Variants in RANBP2 observed in about 807,000 individuals in gnomAD.
RANBP2 encodes E3 SUMO-protein ligase RanBP2.
In RANBP2, 57 loss-of-function variants were observed where a neutral mutation model predicts 303.6. That is an observed-to-expected ratio of 0.19 (90% CI 0.15 to 0.23). The LOEUF is 0.23. RANBP2 is among the 10% of genes least tolerant of loss of function. The pLI is 1.00. For missense variants in RANBP2, 3,138 were observed against 3,780.8 expected (o/e 0.83, Z 4.46); for synonymous variants, 1,167 against 1,301.5 (o/e 0.90, Z 2.23).
At chr2:108,954,393 A>G in the RANBP2 span, among the ~76,000 whole-genome samples, 3 of 152,222 alleles carry the variant, frequency 2.0e-5, no homozygotes, top group African/African-American at 7.2e-5. Flanking sequence ...GACATTCTGC[A>G]GCCTACCTGC....
the RANBP2 span, among the ~76,000 whole-genome samples, chr2:109,395,094 A>G: frequency 6.6e-6 from 1 of 152,336 alleles, no homozygotes. Context: ...ACTTCCCCAG[A>G]TGGAGAGTTT....
At chr2:108,925,839 C>A in the RANBP2 span, among the ~76,000 whole-genome samples, 4 of 152,156 alleles carry the variant, frequency 2.6e-5, no homozygotes, top group African/African-American at 9.7e-5. Flanking sequence ...TGGTCTCAAA[C>A]TTCTGACCTC....
the RANBP2 span, among the ~76,000 whole-genome samples, chr2:108,942,873 T>TA: frequency 2.6e-5 from 4 of 152,132 alleles, no homozygotes; most frequent in Non-Finnish European, 5.9e-5. Flanking sequence ...GCGGGTAGGA[T>TA]TTTTGTTTGT....
chr2:109,115,896 G>C, the RANBP2 span, among the ~76,000 whole-genome samples: 14 of 152,162 alleles, frequency 9.2e-5, no homozygotes, highest in African/African-American at 3.4e-4. Flanking sequence ...ATGAAGCTTA[G>C]TTTGGCTGGA....
the RANBP2 span, among the ~76,000 whole-genome samples, chr2:109,675,688 A>G: frequency 6.6e-6 from 1 of 152,038 alleles, no homozygotes; most frequent in Non-Finnish European, 1.5e-5. Context: ...GTCTCAAAAA[A>G]TAAGAAAAAA....
At chr2:109,645,624 G>A in the RANBP2 span, among the ~76,000 whole-genome samples, 3 of 152,280 alleles carry the variant, frequency 2.0e-5, no homozygotes, top group African/African-American at 7.2e-5. Context: ...CAGGCTCAGG[G>A]TCCCCTGCCT....
At chr2:108,888,105 G>T in the RANBP2 span, among the ~76,000 whole-genome samples, 2 of 152,084 alleles carry the variant, frequency 1.3e-5, no homozygotes, top group African/African-American at 2.4e-5. Context: ...TGCTTTTTCT[G>T]CATCTGTTGA....
chr2:109,184,825 A>C, the RANBP2 span, among the ~76,000 whole-genome samples: 1 of 152,266 alleles, frequency 6.6e-6, no homozygotes, highest in Non-Finnish European at 1.5e-5. Flanking sequence ...CCAATGAGGC[A>C]GTTACGTGGT....
At chr2:109,198,814 T>G in the RANBP2 span, among the ~76,000 whole-genome samples, 1 of 152,236 alleles carries the variant, frequency 6.6e-6, no homozygotes, top group Non-Finnish European at 1.5e-5. Context: ...CTAGGCTACG[T>G]GGCACAGCCT....
chr2:109,466,986 G>A, the RANBP2 span, among the ~76,000 whole-genome samples: 2 of 152,102 alleles, frequency 1.3e-5, no homozygotes, highest in African/African-American at 4.8e-5. Context: ...TTCATACTCT[G>A]TGAAAGAGAG....
At chr2:108,953,946 C>T in the RANBP2 span, among the ~76,000 whole-genome samples, 5 of 152,098 alleles carry the variant, frequency 3.3e-5, no homozygotes, top group East Asian at 1.9e-4. Context: ...AAGTGAGACA[C>T]TAAAGATTAC....
chr2:109,587,427 TAGAG>T, the RANBP2 span, among the ~76,000 whole-genome samples: 1 of 151,570 alleles, frequency 6.6e-6, no homozygotes, highest in Non-Finnish European at 1.5e-5. Context: ...GGAGAAAAGT[TAGAG>T]AAAGAGAGAA....
chr2:109,135,833 A>G, the RANBP2 span, among the ~76,000 whole-genome samples: 1 of 152,114 alleles, frequency 6.6e-6, no homozygotes, highest in Non-Finnish European at 1.5e-5. Context: ...TATCTTTATT[A>G]TCAGAGGCAG....
the RANBP2 span, among the ~76,000 whole-genome samples, chr2:109,692,852 C>T: frequency 7.1e-6 from 1 of 140,422 alleles, no homozygotes; most frequent in Non-Finnish European, 1.5e-5. Flanking sequence ...AAGTCTTGCT[C>T]TTGTCCCCCA....
At chr2:109,519,274 C>G in the RANBP2 span, among the ~76,000 whole-genome samples, 1 of 152,094 alleles carries the variant, frequency 6.6e-6, no homozygotes, top group South Asian at 2.1e-4. Flanking sequence ...AACACGAGAA[C>G]AGCACTAGGG....
the RANBP2 span, among the ~76,000 whole-genome samples, chr2:109,494,391 C>T: frequency 0.26 from 38,767 of 152,008 alleles, 5,301 homozygotes; most frequent in East Asian, 0.5. Flanking sequence ...CCCAGAAGTG[C>T]CCCCTCCCCT....
the RANBP2 span, among the ~76,000 whole-genome samples, chr2:108,945,790 G>A: frequency 1.3e-5 from 2 of 152,194 alleles, no homozygotes; most frequent in African/African-American, 4.8e-5. Flanking sequence ...ATTTTGCTAA[G>A]TAAGATAAGC....
the RANBP2 span, among the ~76,000 whole-genome samples, chr2:109,507,154 C>A: frequency 6.6e-6 from 1 of 152,226 alleles, no homozygotes; most frequent in African/African-American, 2.4e-5. Context: ...GTGCTGAGAC[C>A]CTAAATGCCA....
At chr2:109,524,436 C>A in the RANBP2 span, among the ~76,000 whole-genome samples, 1 of 114,900 alleles carries the variant, frequency 8.7e-6, no homozygotes, top group Non-Finnish European at 1.6e-5. Context: ...CAGAGTGGGA[C>A]CCTGTCTCAA....
Sources: gnomAD v4.1 joint callset for allele counts (sites outside exome capture counted in the v4.1 genomes callset) on GRCh38, gnomAD v4.1.1 for gene constraint, MANE v1.5 for transcripts, NCBI Gene and HGNC (gene_info 2026-07-23, HGNC 2026-07-21) for gene names.